PCDHA4: variants seen among roughly 807,000 people sequenced by gnomAD.
The protein encoded by PCDHA4 is protocadherin alpha-4.
A neutral mutation model predicts 61.4 loss-of-function variants in PCDHA4; 49 were observed. That is an observed-to-expected ratio of 0.80 (90% CI 0.63 to 1.01). The LOEUF (loss-of-function observed/expected upper bound fraction) is 1.01, where lower values mean the gene tolerates loss of function less well. PCDHA4 is among the 50% of genes least tolerant of loss of function. The pLI is 0.00. For synonymous variants in PCDHA4, 590 were observed against 550.3 expected, an observed-to-expected ratio of 1.07 and a Z score of -1.01; for missense variants, 1,254 against 1,235.8, an observed-to-expected ratio of 1.01 and a Z score of -0.22.
intron 1 of PCDHA4, chr5:140,835,610 G>A (rs2150239462): frequency 1.9e-6 from 3 of 1,613,948 alleles, no homozygotes; most frequent in Non-Finnish European, 2.5e-6. Context: ...CATTGGTGCT[G>A]GACAGCGCTC....
At chr5:140,927,940 C>T (rs1247043975) in intron 1 of PCDHA4, 1 of 1,614,108 alleles carries the variant, frequency 6.2e-7, no homozygotes, top group African/African-American at 1.3e-5. Flanking sequence ...GAACCCAGTA[C>T]CTGAGGACGC....
chr5:140,930,375 C>T (rs2086761522), intron 1 of PCDHA4: 1 of 151,734 alleles, frequency 6.6e-6, no homozygotes, highest in Non-Finnish European at 1.5e-5. Flanking sequence ...GTTAGTGGCC[C>T]TTGGCATTTC....
intron 1 of PCDHA4, chr5:140,968,375 T>G: frequency 6.2e-7 from 1 of 1,614,098 alleles, no homozygotes; most frequent in Non-Finnish European, 8.5e-7. Context: ...TGTCAACTCC[T>G]TTGACTATGA....
rs1019436942 is a variant in PCDHA4, at chr5:140,858,638, T to C, written c.2385+49066T>C. On this transcript the variant is annotated intron_variant, in intron 1 of 3. Transcript: ENST00000530339. ...TCCTACCCAGTGTGTCAGCCTTTGATTGGTACTTAAATTTTTTTAAATAAC... is the reference window on the plus strand; with the variant it reads ...TCCTACCCAGTGTGTCAGCCTTTGACTGGTACTTAAATTTTTTTAAATAAC... 30 of 971,874 alleles carry C rather than the reference T, an allele frequency of 3.1e-5. 2 individuals carry two copies. The highest frequency in any genetic ancestry group is 4.0e-5 in the Non-Finnish European group (27 of 675,162). 60.2% of individuals were successfully genotyped at this position (971,874 alleles called of 1,614,324 possible). A position where few individuals can be genotyped will look rare whatever the true frequency, so the allele number is the denominator to read the frequency against.
At chr5:140,872,550 C>T (rs1319043831) in intron 1 of PCDHA4, among the ~76,000 whole-genome samples, 1 of 152,046 alleles carries the variant, frequency 6.6e-6, no homozygotes, top group African/African-American at 2.4e-5. Context: ...TCCCCTGAAC[C>T]CAGGGGTTCA....
At chr5:140,875,207 C>A in intron 1 of PCDHA4, 3 of 660,292 alleles carry the variant, frequency 4.5e-6, no homozygotes, top group Non-Finnish European at 6.7e-6. Flanking sequence ...AGTGGCTAAA[C>A]CGAAAAGAAC....
intron 3 of PCDHA4, among the ~76,000 whole-genome samples, chr5:140,989,687 G>A (rs956131200): frequency 2.0e-4 from 31 of 152,176 alleles, no homozygotes; most frequent in African/African-American, 6.3e-4. Flanking sequence ...TCAAAGGAAC[G>A]TGAAAATTTT....
Position 140,967,255 on chromosome 5 carries a change from T to C in PCDHA4, c.2386-11694T>C, listed in dbSNP as rs202164321. ...TTCAGGTAAGCGAATCGGTGGCGCC[T>C]GGAGCGCGCTTTCACATAGAGAGTG... On this transcript the variant is annotated intron_variant, in intron 1 of 3. Coordinates refer to ENST00000530339, the MANE Select transcript of PCDHA4 (RefSeq NM_018907.4). The C allele has an allele frequency of 1.8e-4, 297 of 1,613,460 alleles. 1 individual carries two copies. The East Asian group carries it at 6.5e-3, about 35-fold the overall frequency.
At chr5:140,999,980 C>G (rs1386394350) in intron 3 of PCDHA4, among the ~76,000 whole-genome samples, 1 of 152,076 alleles carries the variant, frequency 6.6e-6, no homozygotes, top group East Asian at 1.9e-4. Flanking sequence ...GCTCTAGCGG[C>G]CTCTGGGTAG....
intron 1 of PCDHA4, chr5:140,883,461 T>C: frequency 2.5e-6 from 4 of 1,614,144 alleles, no homozygotes; most frequent in Non-Finnish European, 3.4e-6. Context: ...TTCAAGCTGG[T>C]GTCCACCTAC....
At chr5:140,816,422 A>T (rs1267232018) in intron 1 of PCDHA4, 1 of 152,130 alleles carries the variant, frequency 6.6e-6, no homozygotes, top group African/African-American at 2.4e-5. Flanking sequence ...GAGCTCACTG[A>T]ACATCTTTAT....
chr5:140,868,170 A>G (rs926308746), intron 1 of PCDHA4: 1 of 152,132 alleles, frequency 6.6e-6, no homozygotes, highest in Non-Finnish European at 1.5e-5. Flanking sequence ...CTAAATTTTG[A>G]TATCTCATAT....
At position 140,848,861 on chromosome 5, in the gene PCDHA4, G is replaced by A. The variant is rs2150423051; in HGVS notation, c.2385+39289G>A. 3.1e-4 allele frequency: 495 copies of A among 1,590,730 alleles called. 45 individuals carry two copies. The highest frequency in any genetic ancestry group is 4.3e-4 in the Admixed American group (25 of 58,818). Reference sequence around the variant, plus strand: ...TGCAGGTTTTCCATGTGGACGTGGAGGTGAAGGACATTAACGACAACCCTC... The same window carrying A: ...TGCAGGTTTTCCATGTGGACGTGGAAGTGAAGGACATTAACGACAACCCTC... On this transcript the variant is annotated intron_variant, in intron 1 of 3. Coordinates refer to ENST00000530339, the MANE Select transcript of PCDHA4 (RefSeq NM_018907.4).
Position 140,808,064 on chromosome 5 carries a change from T to C in PCDHA4, c.877T>C (p.Phe293Leu), listed in dbSNP as rs1554124407. Residue 293 changes from phenylalanine to leucine, a missense_variant, in exon 1 of 4, where the codon TTT becomes CTT. Physicochemically the swap from Phe to Leu is conservative, Grantham distance 22. Coordinates refer to ENST00000530339, the MANE Select transcript of PCDHA4 (RefSeq NM_018907.4). ...NDISPNVKSKFHIDPITGQII... is the reference protein window; with the variant it reads ...NDISPNVKSKLHIDPITGQII... ...TATTTCGCCAAATGTGAAATCCAAG[T>C]TTCACATAGATCCAATTACTGGACA... 3.1e-6 allele frequency: 5 copies of C among 1,614,056 alleles called. No individual in the cohort carries two copies. The Admixed American group carries it at 8.3e-5, about 27-fold the overall frequency.
intron 1 of PCDHA4, chr5:140,968,189 TC>T: frequency 6.2e-7 from 1 of 1,614,034 alleles, no homozygotes; most frequent in Non-Finnish European, 8.5e-7. Context: ...GGACTCCTAT[TC>T]CATCTACATA....
intron 1 of PCDHA4, among the ~76,000 whole-genome samples, chr5:140,873,597 T>C (rs2054375206): frequency 6.6e-6 from 1 of 152,354 alleles, no homozygotes; most frequent in Middle Eastern, 3.4e-3. Context: ...TAAACTTAGA[T>C]GTTCCTATTG....
chr5:140,883,151 A>G (rs1317370821), intron 1 of PCDHA4: 1 of 1,613,978 alleles, frequency 6.2e-7, no homozygotes, highest in Non-Finnish European at 8.5e-7. Flanking sequence ...TGCATTTACC[A>G]TAAATCCGAA....
chr5:141,007,551 GA>G (rs1554261384), intron 3 of PCDHA4, among the ~76,000 whole-genome samples: 1 of 152,140 alleles, frequency 6.6e-6, no homozygotes, highest in African/African-American at 2.4e-5. Flanking sequence ...TTGGGCAACA[GA>G]GCAAGGCTCT....
intron 1 of PCDHA4, among the ~76,000 whole-genome samples, chr5:140,939,903 C>A (rs782506444): frequency 3.9e-4 from 60 of 152,166 alleles, no homozygotes; most frequent in Non-Finnish European, 5.9e-4. Flanking sequence ...ATTCTGCATT[C>A]TTTTTTATTC....
Sources: gnomAD v4.1 joint callset for allele counts (sites outside exome capture counted in the v4.1 genomes callset) on GRCh38, gnomAD v4.1.1 for gene constraint, MANE v1.5 for transcripts, NCBI Gene and HGNC (gene_info 2026-07-23, HGNC 2026-07-21) for gene names.